Variants in FKBP15 observed in about 807,000 individuals in gnomAD.
The protein encoded by FKBP15 is FKBP prolyl isomerase family member 15.
FKBP15 carries 106 observed loss-of-function variants against 158.1 expected under a neutral mutation model. The observed-to-expected ratio is 0.67, with a 90% CI of 0.57 to 0.79. The LOEUF (loss-of-function observed/expected upper bound fraction) is 0.79, where lower values mean the gene tolerates loss of function less well. Among genes scored for constraint, FKBP15 ranks in the 30% least tolerant of loss-of-function variants. FKBP15 has a pLI of 0.00. For synonymous variants in FKBP15, 547 were observed against 548.6 expected, an observed-to-expected ratio of 1.00 and a Z score of 0.04; for missense variants, 1,287 against 1,479.1, an observed-to-expected ratio of 0.87 and a Z score of 2.13.
chr9:113,217,420 C>G (rs539706561), intron 1 of FKBP15, among the ~76,000 whole-genome samples: 1 of 151,630 alleles, frequency 6.6e-6, no homozygotes, highest in Non-Finnish European at 1.5e-5. Flanking sequence ...TTGTGTTGGC[C>G]AGGCTGGTCT....
At position 113,199,883 on chromosome 9, in the gene FKBP15, A is replaced by G. The variant is rs1830755696; in HGVS notation, c.579T>C (p.Ala193=). The change falls in exon 7 of 28, where the codon GCT becomes GCC. Residue 193 remains alanine (A), a synonymous_variant. Coordinates refer to ENST00000238256, the MANE Select transcript of FKBP15 (RefSeq NM_015258.2). ...SQDLIVADGP[A]VEVGDSLEVA... Reference sequence around the variant, plus strand: ...CTTCCAAAGAATCTCCAACTTCTACAGCAGGGCCGTCTGCCACAATGAGGT... The same window carrying G: ...CTTCCAAAGAATCTCCAACTTCTACGGCAGGGCCGTCTGCCACAATGAGGT... 1 of 1,613,336 alleles carries G rather than the reference A, an allele frequency of 6.2e-7. No homozygotes were observed. The highest frequency in any genetic ancestry group is 8.5e-7 in the Non-Finnish European group (1 of 1,179,644).
In FKBP15 at chr9:113,174,464, C is replaced by G. The variant is rs1344533678; in HGVS notation, c.2343G>C (p.Lys781Asn). 1 of 1,613,874 alleles carries G rather than the reference C, an allele frequency of 6.2e-7. No homozygotes were observed. Among genetic ancestry groups the G allele is most frequent in the African/African-American group, 1.3e-5 (1 of 74,932 alleles). ...CTGCTTGGTCTGTGGACACTCGAGT[C>G]TTTTTCAAGAGCTGTCGAAGTTTGT... The part of the protein sequence containing the change: ...ELDKLRQLLK[K>N]TRVSTDQAAA... The change falls in exon 22 of 28, where the codon AAG becomes AAC. Residue 781 changes from lysine (K) to asparagine (N), a missense_variant. Coordinates refer to ENST00000238256, the MANE Select transcript of FKBP15 (RefSeq NM_015258.2).
At position 113,184,250 on chromosome 9, in the gene FKBP15, T is replaced by A; in HGVS notation, c.1716+42A>T. On this transcript the variant is annotated intron_variant, in intron 17 of 27. Coordinates refer to ENST00000238256, the MANE Select transcript of FKBP15 (RefSeq NM_015258.2). This position sits in a 1 kb window ranked among gnomAD's most constrained non-coding sequence, Gnocchi z 4.5. Reference sequence around the variant, plus strand: ...AGTACCTCTGAGAAGAGAGGATGGGTAAGACCTTCAGCCTGAGTGGTATGT... The same window carrying A: ...AGTACCTCTGAGAAGAGAGGATGGGAAAGACCTTCAGCCTGAGTGGTATGT... 7.2e-7 allele frequency: 1 copy of A among 1,388,318 alleles called. No individual in the cohort carries two copies. Among genetic ancestry groups the A allele is most frequent in the Non-Finnish European group, 1.0e-6 (1 of 995,750 alleles). The allele number at this position is 1,388,318 out of a possible 1,614,324, so 86.0% of individuals were successfully genotyped here. A position where few individuals can be genotyped will look rare whatever the true frequency, so the allele number is the denominator to read the frequency against.
chr9:113,174,667 G>A (rs1440184882), intron 21 of FKBP15, 84 bp from the exon 22 acceptor site: 6 of 1,391,020 alleles, frequency 4.3e-6, no homozygotes, highest in Admixed American at 4.7e-5. Flanking sequence ...TAATTACCTT[G>A]TGGAATCCTT....
At chr9:113,171,769 G>T in intron 23 of FKBP15, 63 bp from the exon 24 acceptor site, 1 of 1,351,004 alleles carries the variant, frequency 7.4e-7, no homozygotes, top group South Asian at 2.1e-5. Flanking sequence ...AAAACCCAAG[G>T]GGAGGAGAAC....
intron 1 of FKBP15, among the ~76,000 whole-genome samples, chr9:113,214,955 C>T (rs1406176839): frequency 2.6e-5 from 4 of 152,216 alleles, no homozygotes; most frequent in Non-Finnish European, 5.9e-5. Context: ...ATCCTCACCT[C>T]GCTCAGCCTT....
rs781248130 is a variant in FKBP15, at chr9:113,221,226, G to C, written c.18C>G (p.Asp6Glu). The C allele has an allele frequency of 3.1e-6, 5 of 1,609,242 alleles. No individual in the cohort carries two copies. The highest frequency in any genetic ancestry group is 4.2e-6 in the Non-Finnish European group (5 of 1,177,952). Residue 6 changes from aspartate (D) to glutamate (E), a missense_variant, in exon 1 of 28, where the codon GAC (aspartate) becomes GAG (glutamate). Asp to Glu is a conservative substitution (Grantham distance 45). Transcript: ENST00000238256. MFGAG[D>E]EDDTDFLSPS... The stretch of plus-strand genomic sequence containing the variant: ...GCGAGAGGAAATCGGTGTCGTCCTC[G>C]TCCCCCGCACCGAACATTGCGTTGG...
intron 6 of FKBP15, among the ~76,000 whole-genome samples, chr9:113,200,732 T>C (rs1407219793): frequency 6.6e-6 from 1 of 152,112 alleles, no homozygotes; most frequent in African/African-American, 2.4e-5. Flanking sequence ...CATTAGGAAC[T>C]TGCGGCTCAT....
chr9:113,173,576 G>A lies in FKBP15; in HGVS notation c.2409C>T (p.Thr803=). ...AATGTTCACATTTTGCTTCCCACTGGGTCTGTAGCTCAGCCTGTACTAAAG... is the reference window on the plus strand; with the variant it reads ...AATGTTCACATTTTGCTTCCCACTGAGTCTGTAGCTCAGCCTGTACTAAAG... ...QLSLVQAELQ[T]QWEAKCEHLL... Residue 803 remains threonine, a synonymous_variant, in exon 23 of 28, where the codon ACC becomes ACT. Coordinates refer to ENST00000238256, the MANE Select transcript of FKBP15 (RefSeq NM_015258.2). 1 of 1,613,864 alleles carries A rather than the reference G, an allele frequency of 6.2e-7. No homozygotes were observed. The highest frequency in any genetic ancestry group is 2.2e-5 in the East Asian group (1 of 44,872).
At chr9:113,219,676 T>C (rs773408989) in intron 1 of FKBP15, among the ~76,000 whole-genome samples, 26 of 152,118 alleles carry the variant, frequency 1.7e-4, no homozygotes, top group Non-Finnish European at 3.1e-4. Context: ...GCCAGGAATC[T>C]GGAAAAGAGC....
Position 113,184,420 on chromosome 9 carries a change from A to C in FKBP15, c.1609-21T>G, listed in dbSNP as rs1328907437. 6.6e-7 allele frequency: 1 copy of C among 1,511,276 alleles called. No individual in the cohort carries two copies. Among genetic ancestry groups the C allele is most frequent in the Non-Finnish European group, 9.1e-7 (1 of 1,099,610 alleles). The allele number at this position is 1,511,276 out of a possible 1,614,324, so 93.6% of individuals were successfully genotyped here. A position where few individuals can be genotyped will look rare whatever the true frequency, so the allele number is the denominator to read the frequency against. On this transcript the variant is annotated intron_variant, in intron 16 of 27. Transcript: ENST00000238256. This position sits in a 1 kb window ranked among gnomAD's most constrained non-coding sequence, Gnocchi z 4.5. ...TCAACCTACAAAAGGGATACCAGAAAGACCTTGTGAGAAATTATAAAATGA... is the reference window on the plus strand; with the variant it reads ...TCAACCTACAAAAGGGATACCAGAACGACCTTGTGAGAAATTATAAAATGA...
Position 113,199,962 on chromosome 9 carries a change from A to G in FKBP15, c.500T>C (p.Val167Ala), listed in dbSNP as rs199677910. Reference protein sequence around the residue: ...EKAAVEFNKQVCIAKCNSTSS... With the variant: ...EKAAVEFNKQACIAKCNSTSS... ...GGTACTGTTGCACTTAGCAATGCAC[A>G]CCTGCAAGACAAAATCAAAGCAGCA... The change falls in exon 7 of 28, where the codon GTG (valine) becomes GCG (alanine). Residue 167 changes from valine to alanine, a missense_variant and splice_region_variant. Coordinates refer to ENST00000238256, the MANE Select transcript of FKBP15 (RefSeq NM_015258.2). 217 of 1,609,834 alleles carry G rather than the reference A, an allele frequency of 1.3e-4. 2 individuals are homozygous for G. The highest frequency in any genetic ancestry group is 2.5e-5 in the Non-Finnish European group (29 of 1,178,378).
intron 6 of FKBP15, among the ~76,000 whole-genome samples, chr9:113,200,648 G>A (rs922432355): frequency 2.6e-5 from 4 of 152,162 alleles, no homozygotes; most frequent in African/African-American, 9.7e-5. Flanking sequence ...AAGCAATATA[G>A]TATGAAAGAT....
intron 1 of FKBP15, among the ~76,000 whole-genome samples, chr9:113,219,954 G>T (rs188314825): frequency 6.6e-6 from 1 of 152,304 alleles, no homozygotes; most frequent in East Asian, 1.9e-4. Flanking sequence ...GAGTGAAAAA[G>T]ACTAAAAGGT....
At position 113,207,282 on chromosome 9, in the gene FKBP15, G is replaced by T; in HGVS notation, c.184C>A (p.Pro62Thr). 1 of 1,610,330 alleles carries T rather than the reference G, an allele frequency of 6.2e-7. No homozygotes were observed. Among genetic ancestry groups the T allele is most frequent in the Non-Finnish European group, 8.5e-7 (1 of 1,178,722 alleles). Residue 62 changes from proline (P) to threonine (T), a missense_variant, in exon 3 of 28, where the codon CCA becomes ACA. Pro to Thr is a conservative substitution (Grantham distance 38). Coordinates refer to ENST00000238256, the MANE Select transcript of FKBP15 (RefSeq NM_015258.2). The stretch of plus-strand genomic sequence containing the variant: ...CTCATGGTGGCTGGTGCTGTTTTTG[G>T]TGTTGCCTGATTTCCTGAAGATGAA... ...GTAATGNQAT[P>T]KTAPATMSTP... is the part of the protein sequence containing the mutation.
chr9:113,212,000 T>G (rs1051480310), intron 1 of FKBP15, among the ~76,000 whole-genome samples: 4 of 152,102 alleles, frequency 2.6e-5, no homozygotes, highest in African/African-American at 9.7e-5. Flanking sequence ...CCTTACTGAC[T>G]ACTCCCCCTC....
chr9:113,180,393 GA>G (rs1830373683), intron 19 of FKBP15, among the ~76,000 whole-genome samples: 9 of 138,272 alleles, frequency 6.5e-5, no homozygotes, highest in Admixed American at 5.9e-4. Context: ...TTTATGATCA[GA>G]AAAAAATGTG....
At chr9:113,216,904 C>CTTT (rs71491083) in intron 1 of FKBP15, among the ~76,000 whole-genome samples, 1 of 131,788 alleles carries the variant, frequency 7.6e-6, no homozygotes, top group Admixed American at 7.8e-5. Context: ...ATTCCATTTT[C>CTTT]TTTTTTTTTT....
intron 10 of FKBP15, among the ~76,000 whole-genome samples, 171 bp downstream of exon 10, chr9:113,193,856 T>A (rs1002875597): frequency 6.6e-6 from 1 of 152,226 alleles, no homozygotes; most frequent in Non-Finnish European, 1.5e-5. Flanking sequence ...CCTATGAATA[T>A]TAAACCTTTG....
Sources: allele counts gnomAD v4.1 joint callset (sites outside exome capture counted in the v4.1 genomes callset), GRCh38; gene constraint gnomAD v4.1.1; non-coding constraint Gnocchi (gnomAD v3.1); transcripts MANE v1.5; gene names NCBI Gene and HGNC (gene_info 2026-07-23, HGNC 2026-07-21).